Variants in PHGDH observed in about 807,000 individuals in gnomAD.
The protein encoded by PHGDH is phosphoglycerate dehydrogenase.
Under a neutral mutation model 52.6 loss-of-function variants are expected in PHGDH, and 50 were observed. The ratio of observed to expected loss-of-function variants is 0.95; its 90% CI spans 0.76 to 1.20. PHGDH has a LOEUF of 1.20. Ranked by LOEUF, PHGDH falls within the 50% of genes most tolerant of loss-of-function variation. PHGDH has a pLI of 0.00. For missense variants in PHGDH, 630 were observed against 684.6 expected (o/e 0.92, Z 0.89); for synonymous variants, 271 against 280.5 (o/e 0.97, Z 0.34).
chr1:119,744,125 C>A lies in PHGDH; in HGVS notation c.*85C>A, dbSNP rs1248180106. 7.6e-7 allele frequency: 1 copy of A among 1,321,990 alleles called. No individual in the cohort carries two copies. The highest frequency in any genetic ancestry group is 1.1e-6 in the Non-Finnish European group (1 of 916,344). The allele number at this position is 1,321,990 out of a possible 1,614,324, so 81.9% of individuals were successfully genotyped here. A position where few individuals can be genotyped will look rare whatever the true frequency, so the allele number is the denominator to read the frequency against. On this transcript the variant is annotated 3_prime_UTR_variant, in exon 12 of 12. Coordinates refer to ENST00000641023, the MANE Select transcript of PHGDH (RefSeq NM_006623.4). ...TCAATAGGGAGAGAAAATCCACATTCTTGGGCTGAACGCGGGCCTCTGACA... is the reference window on the plus strand; with the variant it reads ...TCAATAGGGAGAGAAAATCCACATTATTGGGCTGAACGCGGGCCTCTGACA...
At chr1:119,742,384 T>C in intron 10 of PHGDH, 2 of 371,554 alleles carry the variant, frequency 5.4e-6, no homozygotes, top group South Asian at 5.0e-5. Flanking sequence ...CAGTGGGAGC[T>C]GGCAGAAGGG....
chr1:119,730,747 G>C (rs942200510), intron 5 of PHGDH, among the ~76,000 whole-genome samples: 1 of 152,142 alleles, frequency 6.6e-6, no homozygotes. Flanking sequence ...CTCGGGGTTC[G>C]GATGGAGCCC....
chr1:119,725,728 G>A (rs1651378240), intron 3 of PHGDH, among the ~76,000 whole-genome samples: 1 of 152,224 alleles, frequency 6.6e-6, no homozygotes, highest in Admixed American at 6.5e-5. Context: ...AAGCACGGAA[G>A]TAGCAGCTTG....
intron 5 of PHGDH, among the ~76,000 whole-genome samples, chr1:119,727,890 A>C (rs768835127): frequency 6.6e-6 from 1 of 151,734 alleles, no homozygotes; most frequent in Non-Finnish European, 1.5e-5. Flanking sequence ...TGCTGGAGAA[A>C]CTCCCTTTAT....
chr1:119,714,815 G>C (rs1239943803), intron 1 of PHGDH, among the ~76,000 whole-genome samples: 1 of 152,204 alleles, frequency 6.6e-6, no homozygotes, highest in Non-Finnish European at 1.5e-5. Context: ...CCAACCTGGT[G>C]CTCTAGTGGG....
chr1:119,724,663 T>TA (rs201607710), intron 3 of PHGDH: 8,007 of 371,702 alleles, frequency 0.022, 39 homozygotes, highest in South Asian at 0.064. Flanking sequence ...TCAGGGATTT[T>TA]TTTTTTTTTT....
At chr1:119,741,646 C>T (rs1476465915) in intron 9 of PHGDH, 121 bp from the exon 10 acceptor site, 2 of 894,584 alleles carry the variant, frequency 2.2e-6, no homozygotes, top group Admixed American at 3.4e-5. Context: ...GAGCAAGCTG[C>T]CTTTGGGGTC....
chr1:119,722,970 CGA>C (rs1651240816), intron 2 of PHGDH, among the ~76,000 whole-genome samples: 1 of 150,956 alleles, frequency 6.6e-6, no homozygotes, highest in South Asian at 2.1e-4. Flanking sequence ...GCCCTGAATT[CGA>C]GAGACTCTGA....
In PHGDH at chr1:119,734,685, G is replaced by A. The variant is rs560821111; in HGVS notation, c.562G>A (p.Val188Ile). The change falls in exon 6 of 12, where the codon GTT (valine) becomes ATT (isoleucine). Residue 188 changes from valine to isoleucine, a missense_variant. Physicochemically the swap from Val to Ile is conservative, Grantham distance 29. Coordinates refer to ENST00000641023, the MANE Select transcript of PHGDH (RefSeq NM_006623.4). Reference sequence around the variant, plus strand: ...CCCAGAGGTCTCGGCCTCCTTTGGTGTTCAGCAGCTGCCCCTGGAGGAGAT... The same window carrying A: ...CCCAGAGGTCTCGGCCTCCTTTGGTATTCAGCAGCTGCCCCTGGAGGAGAT... ...ISPEVSASFG[V>I]QQLPLEEIWP... 2.5e-6 allele frequency: 4 copies of A among 1,614,100 alleles called. No homozygotes were observed. The African/African-American group carries it at 4.0e-5, about 16-fold the overall frequency.
rs1390624793 is a variant in PHGDH, at chr1:119,737,201, C to T, written c.880C>T (p.Arg294Cys). ...LGASTKEAQS[R>C]CGEEIAVQFV... ...TGCCAGCACCAAGGAGGCTCAGAGC[C>T]GCTGTGGGGAGGAAATTGCTGTTCA... The change falls in exon 8 of 12, where the codon CGC becomes TGC. Residue 294 changes from arginine to cysteine, a missense_variant. Physicochemically the swap from Arg to Cys is radical, Grantham distance 180. Coordinates refer to ENST00000641023, the MANE Select transcript of PHGDH (RefSeq NM_006623.4). 11 of 1,613,980 alleles carry T rather than the reference C, an allele frequency of 6.8e-6. No homozygotes were observed. Among genetic ancestry groups the T allele is most frequent in the African/African-American group, 1.3e-5 (1 of 74,920 alleles).
At chr1:119,740,113 AG>A in intron 8 of PHGDH, 1 of 468,840 alleles carries the variant, frequency 2.1e-6, no homozygotes, top group Non-Finnish European at 3.9e-6. Flanking sequence ...TCTCCCATGG[AG>A]GGGGCTGGGG....
intron 10 of PHGDH, chr1:119,742,098 T>G: frequency 1.6e-6 from 1 of 610,072 alleles, no homozygotes; most frequent in Non-Finnish European, 3.0e-6. Context: ...GGCACTGCTT[T>G]GTGTATGAGT....
intron 1 of PHGDH, among the ~76,000 whole-genome samples, chr1:119,716,463 G>A (rs1265521048): frequency 6.6e-6 from 1 of 152,200 alleles, no homozygotes; most frequent in Non-Finnish European, 1.5e-5. Context: ...ATGCTCTCCA[G>A]CTAGTGTTGC....
In PHGDH at chr1:119,740,535, G is replaced by A; in HGVS notation, c.1078+17G>A. 2 of 1,553,092 alleles carry A rather than the reference G, an allele frequency of 1.3e-6. No homozygotes were observed. Among genetic ancestry groups the A allele is most frequent in the Non-Finnish European group, 1.7e-6 (2 of 1,146,090 alleles). On this transcript the variant is annotated intron_variant, in intron 9 of 11. Transcript: ENST00000641023. ...TAACACAGGGTGAGCTGGGGACCTTGCAGAGGGAGGGGGAGGAGGGGATGA... is the reference window on the plus strand; with the variant it reads ...TAACACAGGGTGAGCTGGGGACCTTACAGAGGGAGGGGGAGGAGGGGATGA...
rs200693896 is a variant in PHGDH, at chr1:119,743,888, C to T, written c.1450C>T (p.Leu484Phe). The T allele has an allele frequency of 3.7e-6, 6 of 1,613,450 alleles. No individual in the cohort carries two copies. Among genetic ancestry groups the T allele is most frequent in the South Asian group, 1.1e-5 (1 of 91,074 alleles). The part of the protein sequence containing the change: ...DPAMLPTMIG[L>F]LAEAGVRLLS... ...CCAGGAGTTTCTTCTATTTCCAGGC[C>T]TCCTGGCAGAGGCAGGCGTGCGGCT... The change falls in exon 12 of 12, where the codon CTC becomes TTC. Residue 484 changes from leucine (L) to phenylalanine (F), a missense_variant and splice_region_variant. Transcript: ENST00000641023.
chr1:119,721,450 G>C, intron 2 of PHGDH, 129 bp downstream of exon 2: 1 of 878,562 alleles, frequency 1.1e-6, no homozygotes, highest in Non-Finnish European at 1.7e-6. Context: ...AGGATGCCTG[G>C]TCTAGGGCCT....
intron 5 of PHGDH, among the ~76,000 whole-genome samples, chr1:119,734,081 C>A (rs1209071881): frequency 6.6e-6 from 1 of 152,140 alleles, no homozygotes; most frequent in African/African-American, 2.4e-5. Flanking sequence ...TTGTCCTCCT[C>A]CTTCGCTTCT....
At chr1:119,736,883 G>A (rs2101203566) in intron 7 of PHGDH, among the ~76,000 whole-genome samples, 1 of 152,404 alleles carries the variant, frequency 6.6e-6, no homozygotes, top group South Asian at 2.1e-4. Context: ...TGGTTAAGTG[G>A]TGAAGGTGAG....
intron 1 of PHGDH, 136 bp from the exon 2 acceptor site, chr1:119,721,034 A>C (rs894079): frequency 3.6e-6 from 3 of 829,326 alleles, no homozygotes; most frequent in African/African-American, 1.7e-5. Flanking sequence ...AAAGATATCT[A>C]TGAACTGGCA....
Sources: allele counts gnomAD v4.1 joint callset (sites outside exome capture counted in the v4.1 genomes callset), GRCh38; gene constraint gnomAD v4.1.1; transcripts MANE v1.5; gene names NCBI Gene and HGNC (gene_info 2026-07-23, HGNC 2026-07-21).